The following CHCHD6 variants were observed in gnomAD, a reference collection of about 807,000 sequenced individuals.
The protein encoded by CHCHD6 is MICOS complex subunit MIC25.
CHCHD6 carries 28 observed loss-of-function variants against 32.3 expected under a neutral mutation model. The observed-to-expected ratio is 0.87, with a 90% CI of 0.64 to 1.19. CHCHD6 has a LOEUF of 1.19. Among genes scored for constraint, CHCHD6 ranks in the 50% most tolerant of loss-of-function variants. The pLI is 0.00. For missense variants in CHCHD6, 333 were observed against 307.0 expected, an observed-to-expected ratio of 1.08 and a Z score of -0.63; for synonymous variants, 122 against 117.5, an observed-to-expected ratio of 1.04 and a Z score of -0.25.
intron 6 of CHCHD6, chr3:126,957,184 T>C (rs2078797481): frequency 1.7e-6 from 1 of 584,090 alleles, no homozygotes; most frequent in Admixed American, 3.0e-5. Flanking sequence ...CATGTTTCAG[T>C]GTCTGCTATA....
At chr3:126,767,399 C>G (rs945766513) in intron 4 of CHCHD6, 2 of 745,488 alleles carry the variant, frequency 2.7e-6, no homozygotes, top group Non-Finnish European at 5.0e-6. Context: ...CTCGATGAGT[C>G]TGGGGGCTCC....
chr3:126,940,146 A>T (rs2078538342), intron 6 of CHCHD6, among the ~76,000 whole-genome samples: 1 of 152,238 alleles, frequency 6.6e-6, no homozygotes, highest in African/African-American at 2.4e-5. Context: ...TATAAAAATG[A>T]TACATGAATA....
intron 4 of CHCHD6, among the ~76,000 whole-genome samples, chr3:126,814,168 T>C (rs755996131): frequency 3.9e-5 from 6 of 152,166 alleles, no homozygotes; most frequent in Non-Finnish European, 8.8e-5. Flanking sequence ...AGGGAAGATG[T>C]CTCTACGGAG....
chr3:126,764,711 A>G (rs1016385270), intron 4 of CHCHD6, among the ~76,000 whole-genome samples: 1 of 152,204 alleles, frequency 6.6e-6, no homozygotes, highest in African/African-American at 2.4e-5. Flanking sequence ...GACGTCAAGG[A>G]TTCCAGGAGC....
At chr3:126,901,014 C>A (rs1019431414) in intron 5 of CHCHD6, among the ~76,000 whole-genome samples, 2 of 152,136 alleles carry the variant, frequency 1.3e-5, no homozygotes, top group East Asian at 1.9e-4. Flanking sequence ...AACACCCCCC[C>A]CAGGCCCTAC....
At chr3:126,728,071 G>C (rs1935620142) in intron 2 of CHCHD6, among the ~76,000 whole-genome samples, 1 of 152,064 alleles carries the variant, frequency 6.6e-6, no homozygotes, top group Non-Finnish European at 1.5e-5. Context: ...TCTTGGGCCT[G>C]GTCTCGCGTT....
chr3:126,740,341 C>T (rs900309497), intron 4 of CHCHD6, among the ~76,000 whole-genome samples: 3 of 152,196 alleles, frequency 2.0e-5, no homozygotes, highest in South Asian at 2.1e-4. Context: ...TCAGCAGGCC[C>T]TGTGCACTGG....
intron 5 of CHCHD6, among the ~76,000 whole-genome samples, chr3:126,902,270 G>A (rs564838577): frequency 6.6e-6 from 1 of 152,360 alleles, no homozygotes; most frequent in East Asian, 1.9e-4. Context: ...GGTATTGCCA[G>A]TGCACGGCCA....
At chr3:126,752,403 C>G (rs1046340354) in intron 4 of CHCHD6, among the ~76,000 whole-genome samples, 2 of 152,230 alleles carry the variant, frequency 1.3e-5, no homozygotes, top group African/African-American at 2.4e-5. Context: ...GCGGAGCCCA[C>G]TAGGTGGCAG....
chr3:126,797,869 G>A (rs989445393), intron 4 of CHCHD6, among the ~76,000 whole-genome samples: 13 of 152,238 alleles, frequency 8.5e-5, no homozygotes, highest in Non-Finnish European at 1.6e-4. Flanking sequence ...GTGTGTCTGC[G>A]TGAAAAGGAA....
At chr3:126,854,511 A>G (rs74380632) in intron 5 of CHCHD6, among the ~76,000 whole-genome samples, 2,774 of 152,334 alleles carry the variant, frequency 0.018, 31 homozygotes, top group Middle Eastern at 0.051. Flanking sequence ...GATCTTCTCC[A>G]CGGATAATTT....
At chr3:126,907,530 T>G (rs919899083) in intron 5 of CHCHD6, among the ~76,000 whole-genome samples, 1 of 152,254 alleles carries the variant, frequency 6.6e-6, no homozygotes, top group African/African-American at 2.4e-5. Flanking sequence ...CAGAAACTCT[T>G]TCTCCAAATC....
At chr3:126,764,240 T>C (rs1482537102) in intron 4 of CHCHD6, among the ~76,000 whole-genome samples, 1 of 145,942 alleles carries the variant, frequency 6.9e-6, no homozygotes, top group Non-Finnish European at 1.5e-5. Flanking sequence ...TATGAAATAA[T>C]ACAATTACAG....
At chr3:126,760,162 G>A (rs1937108730) in intron 4 of CHCHD6, among the ~76,000 whole-genome samples, 2 of 152,172 alleles carry the variant, frequency 1.3e-5, no homozygotes, top group African/African-American at 2.4e-5. Flanking sequence ...TGAGATTTGG[G>A]TGGGGACAAA....
chr3:126,742,789 G>A (rs1936336217), intron 4 of CHCHD6, among the ~76,000 whole-genome samples: 1 of 152,184 alleles, frequency 6.6e-6, no homozygotes, highest in Non-Finnish European at 1.5e-5. Context: ...GGACTTCTCA[G>A]CCTCTAGAAC....
At chr3:126,766,331 C>A in intron 4 of CHCHD6, 1 of 402,738 alleles carries the variant, frequency 2.5e-6, no homozygotes, top group Non-Finnish European at 4.7e-6. Flanking sequence ...CACCTTAGGT[C>A]AGCTTTTGCT....
At chr3:126,856,143 C>CA (rs779417057) in intron 5 of CHCHD6, among the ~76,000 whole-genome samples, 71 of 151,216 alleles carry the variant, frequency 4.7e-4, no homozygotes, top group Middle Eastern at 3.4e-3. Flanking sequence ...AACAAACAAA[C>CA]AAAAAAAATC....
chr3:126,792,239 C>A (rs991060952), intron 4 of CHCHD6, among the ~76,000 whole-genome samples: 3 of 146,766 alleles, frequency 2.0e-5, no homozygotes, highest in African/African-American at 7.7e-5. Flanking sequence ...AATATATATT[C>A]TAATATAGAA....
chr3:126,880,425 G>A (rs1353401793), intron 5 of CHCHD6, among the ~76,000 whole-genome samples: 1 of 152,144 alleles, frequency 6.6e-6, no homozygotes, highest in Admixed American at 6.5e-5. Context: ...GATGCAAAAT[G>A]CTGTGATCTC....
Sources: allele counts gnomAD v4.1 joint callset (sites outside exome capture counted in the v4.1 genomes callset), GRCh38; gene constraint gnomAD v4.1.1; transcripts MANE v1.5; gene names NCBI Gene and HGNC (gene_info 2026-07-23, HGNC 2026-07-21).